PRRX1: variants seen among roughly 807,000 people sequenced by gnomAD.
PRRX1 encodes paired mesoderm homeobox protein 1.
Under a neutral mutation model 24.0 loss-of-function variants are expected in PRRX1, and 8 were observed. The ratio of observed to expected loss-of-function variants is 0.33; its 90% CI spans 0.20 to 0.60. The LOEUF (loss-of-function observed/expected upper bound fraction) is 0.60, where lower values mean the gene tolerates loss of function less well. Ranked by LOEUF, PRRX1 falls within the 20% of genes least tolerant of loss-of-function variation. PRRX1 has a pLI of 0.82. For synonymous variants in PRRX1, 160 were observed against 131.7 expected (o/e 1.22, Z -1.47); for missense variants, 281 against 322.4 (o/e 0.87, Z 0.98).
At chr1:170,728,410 A>G (rs1369893343) in intron 3 of PRRX1, 1 of 152,244 alleles carries the variant, frequency 6.6e-6, no homozygotes, top group Non-Finnish European at 1.5e-5. Context: ...TCCATAATTC[A>G]CCATCTTGAC....
At position 170,726,127 on chromosome 1, in the gene PRRX1, A is replaced by G. The variant is rs1655245547; in HGVS notation, c.418-93A>G. 12 of 1,230,070 alleles carry G rather than the reference A, an allele frequency of 9.8e-6. No homozygotes were observed. The East Asian group carries it at 3.0e-4, about 30-fold the overall frequency. The allele number at this position is 1,230,070 out of a possible 1,614,324, so 76.2% of individuals were successfully genotyped here. ...TATCTTCTTTGGGAAGGCATTATATAGTAAAATCAAGCAGAATTTCATTCA... is the reference window on the plus strand; with the variant it reads ...TATCTTCTTTGGGAAGGCATTATATGGTAAAATCAAGCAGAATTTCATTCA... On this transcript the variant is annotated intron_variant, in intron 2 of 3. Coordinates refer to ENST00000239461, the MANE Select transcript of PRRX1 (RefSeq NM_022716.4).
intron 1 of PRRX1, among the ~76,000 whole-genome samples, chr1:170,678,564 C>T (rs1014795976): frequency 3.3e-5 from 5 of 152,138 alleles, no homozygotes; most frequent in Admixed American, 1.3e-4. Context: ...TTCTGATATA[C>T]GGAAAAGTGT....
At chr1:170,665,063 G>C (rs1652870794) in intron 1 of PRRX1, among the ~76,000 whole-genome samples, 1 of 152,224 alleles carries the variant, frequency 6.6e-6, no homozygotes. Flanking sequence ...GCCCCCTGCT[G>C]TTGCCTCTAC....
At chr1:170,672,529 A>T (rs1321038435) in intron 1 of PRRX1, among the ~76,000 whole-genome samples, 2 of 152,234 alleles carry the variant, frequency 1.3e-5, no homozygotes, top group Non-Finnish European at 2.9e-5. Flanking sequence ...AGGACCTCAC[A>T]GTGCTGGAAA....
chr1:170,718,701 G>A (rs934506599), intron 1 of PRRX1, among the ~76,000 whole-genome samples: 94 of 152,182 alleles, frequency 6.2e-4, no homozygotes, highest in African/African-American at 2.1e-3. Flanking sequence ...GCAAATCTCT[G>A]GGACCTACAC....
At chr1:170,668,030 C>T (rs1400278645) in intron 1 of PRRX1, 2 of 151,512 alleles carry the variant, frequency 1.3e-5, no homozygotes, top group African/African-American at 4.8e-5. Flanking sequence ...TTGATATTCA[C>T]TACACTGTCC....
chr1:170,723,605 A>T (rs1002541584), intron 2 of PRRX1, among the ~76,000 whole-genome samples: 1 of 152,254 alleles, frequency 6.6e-6, no homozygotes, highest in Non-Finnish European at 1.5e-5. Context: ...CCTTGACTTC[A>T]GAAACTCAGC....
intron 2 of PRRX1, among the ~76,000 whole-genome samples, chr1:170,720,315 A>C (rs1655042706): frequency 6.6e-6 from 1 of 152,016 alleles, no homozygotes; most frequent in Non-Finnish European, 1.5e-5. Flanking sequence ...AATAATACCC[A>C]AGTTATAGGC....
chr1:170,694,144 G>A (rs1016897821), intron 1 of PRRX1, among the ~76,000 whole-genome samples: 4 of 151,938 alleles, frequency 2.6e-5, no homozygotes, highest in African/African-American at 9.7e-5. Context: ...GCACCATAAG[G>A]TTTCAGTTTC....
chr1:170,685,220 A>G (rs541993854), intron 1 of PRRX1, among the ~76,000 whole-genome samples: 142 of 152,288 alleles, frequency 9.3e-4, no homozygotes, highest in African/African-American at 3.3e-3. Context: ...GGAGAAGAAA[A>G]TTGGGTCAGA....
At chr1:170,724,782 A>T (rs571641714) in intron 2 of PRRX1, among the ~76,000 whole-genome samples, 4 of 152,176 alleles carry the variant, frequency 2.6e-5, no homozygotes, top group Non-Finnish European at 1.5e-5. Context: ...TTCGTTCTAT[A>T]TAAATTTTAA....
intron 1 of PRRX1, among the ~76,000 whole-genome samples, chr1:170,693,404 A>C (rs1654059946): frequency 6.6e-6 from 1 of 152,056 alleles, no homozygotes; most frequent in Non-Finnish European, 1.5e-5. Flanking sequence ...AGTATGATGT[A>C]ATTTCCTGCA....
Position 170,738,151 on chromosome 1 carries a change from T to C in PRRX1, c.*1965T>C, listed in dbSNP as rs934528707. Reference sequence around the variant, plus strand: ...GCTTAGTTCTAATAATTTTTAGTTGTGAGTGATTAAAAAACTTTGGATCAA... The same window carrying C: ...GCTTAGTTCTAATAATTTTTAGTTGCGAGTGATTAAAAAACTTTGGATCAA... On this transcript the variant is annotated 3_prime_UTR_variant, in exon 4 of 4. Transcript: ENST00000239461. 2.7e-5 allele frequency: 6 copies of C among 220,100 alleles called. No homozygotes were observed. The highest frequency in any genetic ancestry group is 4.6e-5 in the Non-Finnish European group (5 of 109,538). The allele number at this position is 220,100 out of a possible 1,614,324, so 13.6% of individuals were successfully genotyped here. A position where few individuals can be genotyped will look rare whatever the true frequency, so the allele number is the denominator to read the frequency against.
At chr1:170,714,709 T>C (rs796095439) in intron 1 of PRRX1, among the ~76,000 whole-genome samples, 2 of 152,290 alleles carry the variant, frequency 1.3e-5, no homozygotes, top group South Asian at 2.1e-4. Context: ...TGAATAGGGA[T>C]CACCACATGC....
intron 1 of PRRX1, among the ~76,000 whole-genome samples, chr1:170,682,953 G>T (rs1451551113): frequency 6.6e-6 from 1 of 152,204 alleles, no homozygotes; most frequent in African/African-American, 2.4e-5. Flanking sequence ...GCAGGAACAA[G>T]CTTTATAGCC....
At chr1:170,714,305 T>C (rs900814024) in intron 1 of PRRX1, among the ~76,000 whole-genome samples, 1 of 152,176 alleles carries the variant, frequency 6.6e-6, no homozygotes, top group Non-Finnish European at 1.5e-5. Flanking sequence ...CAAATCCCAT[T>C]AAAGTAAGTA....
At chr1:170,677,911 A>G (rs1349879129) in intron 1 of PRRX1, among the ~76,000 whole-genome samples, 1 of 152,210 alleles carries the variant, frequency 6.6e-6, no homozygotes, top group Non-Finnish European at 1.5e-5. Context: ...TAGAGACTCT[A>G]TGACATATGC....
At chr1:170,674,098 T>A (rs986653651) in intron 1 of PRRX1, among the ~76,000 whole-genome samples, 1 of 152,248 alleles carries the variant, frequency 6.6e-6, no homozygotes, top group Non-Finnish European at 1.5e-5. Flanking sequence ...TTTCATTCTT[T>A]ACATCAAAAT....
chr1:170,711,358 T>TA (rs1209249658), intron 1 of PRRX1, among the ~76,000 whole-genome samples: 5 of 152,170 alleles, frequency 3.3e-5, no homozygotes, highest in East Asian at 1.9e-4. Flanking sequence ...TAACACAAGA[T>TA]AAAAAATTAT....
Sources: gnomAD v4.1 joint callset for allele counts (sites outside exome capture counted in the v4.1 genomes callset) on GRCh38, gnomAD v4.1.1 for gene constraint, MANE v1.5 for transcripts, NCBI Gene and HGNC (gene_info 2026-07-23, HGNC 2026-07-21) for gene names.